The following NCKIPSD variants were observed in gnomAD, a reference collection of about 807,000 sequenced individuals.
NCKIPSD encodes the protein NCK-interacting protein with SH3 domain.
NCKIPSD carries 48 observed loss-of-function variants against 73.4 expected under a neutral mutation model. That is an observed-to-expected ratio of 0.65 (90% confidence interval 0.52 to 0.83). NCKIPSD has a LOEUF of 0.83. Among genes scored for constraint, NCKIPSD ranks in the 40% least tolerant of loss-of-function variants. The pLI is 0.00. For synonymous variants in NCKIPSD, 422 were observed against 403.6 expected, an observed-to-expected ratio of 1.05 and a Z score of -0.54; for missense variants, 884 against 970.2, an observed-to-expected ratio of 0.91 and a Z score of 1.18.
rs2106759654 is a variant in NCKIPSD, at chr3:48,685,852, C to A, written c.-45G>T. The A allele has an allele frequency of 7.4e-7, 1 of 1,358,188 alleles. No individual in the cohort carries two copies. The highest frequency in any genetic ancestry group is 2.5e-4 in the Middle Eastern group (1 of 4,034). The allele number at this position is 1,358,188 out of a possible 1,614,324, so 84.1% of individuals were successfully genotyped here. A position where few individuals can be genotyped will look rare whatever the true frequency, so the allele number is the denominator to read the frequency against. ...GCAGGGAAGGTGGCAAGGGCTGCGG[C>A]GCCACAACGCCAGGCCGGGAGCGCC... On this transcript the variant is annotated 5_prime_UTR_variant, in exon 1 of 13. Transcript: ENST00000294129.
rs573286934 is a variant in NCKIPSD at position 48,680,148 on chromosome 3, G to T, written c.1174C>A (p.Arg392=). The change falls in exon 6 of 13, where the codon CGG becomes AGG. Residue 392 remains arginine (R), a synonymous_variant. Transcript: ENST00000294129. The stretch of plus-strand genomic sequence containing the variant: ...CTGCGCTGCTGGGCGTCGTCCTTCC[G>T]GCGAGCCAGGTCTGCAAAGATCACC... ...LEVIFADLAR[R]KDDAQQRSWA... is the part of the protein sequence containing the mutation. 1.5e-5 allele frequency: 25 copies of T among 1,613,946 alleles called. No homozygotes were observed. The highest frequency in any genetic ancestry group is 2.1e-5 in the Non-Finnish European group (25 of 1,180,004).
chr3:48,680,209 G>T lies in NCKIPSD; in HGVS notation c.1113C>A (p.Pro371=), dbSNP rs768400553. The change falls in exon 6 of 13, where the codon CCC becomes CCA. Residue 371 remains proline, a synonymous_variant. Coordinates refer to ENST00000294129, the MANE Select transcript of NCKIPSD (RefSeq NM_016453.4). ...GCTGGTCGTGGCAGACCTGCCCTGA[G>T]GGCAGGGCCATGCTGAGGTCCTAGA... ...VEGKDLSMAL[P]SGQVCHDQQR... is the part of the protein sequence containing the mutation. 1.9e-6 allele frequency: 3 copies of T among 1,612,630 alleles called. No individual in the cohort carries two copies. Among genetic ancestry groups the T allele is most frequent in the East Asian group, 2.2e-5 (1 of 44,864 alleles).
At chr3:48,683,580 C>T (rs2077388727) in intron 1 of NCKIPSD, among the ~76,000 whole-genome samples, 1 of 152,164 alleles carries the variant, frequency 6.6e-6, no homozygotes, top group South Asian at 2.1e-4. Context: ...GGCCCTCATC[C>T]CCACAAGATG....
Position 48,680,221 on chromosome 3 carries a change from G to A in NCKIPSD, c.1101C>T (p.Ser367=). ...LLSLVEGKDL[S]MALPSGQVCH... is the part of the protein sequence containing the mutation. The stretch of plus-strand genomic sequence containing the variant: ...AGACCTGCCCTGAGGGCAGGGCCAT[G>A]CTGAGGTCCTAGAGGGAGAGGGCAA... The change falls in exon 6 of 13, where the codon AGC becomes AGT. Residue 367 remains serine, a synonymous_variant. Transcript: ENST00000294129. 6.2e-7 allele frequency: 1 copy of A among 1,610,634 alleles called. No homozygotes were observed. The highest frequency in any genetic ancestry group is 1.7e-5 in the Admixed American group (1 of 59,726).
rs990764918 is a variant in NCKIPSD, at chr3:48,684,649, A to C, written c.171+988T>G. On this transcript the variant is annotated intron_variant, in intron 1 of 12. Transcript: ENST00000294129. ...CGGGGGTGTCTGGCACAGGCCCGGC[A>C]GCTCTGGGCCCTTCTTCCCCCTGTG... 4.6e-5 allele frequency among the ~76,000 whole-genome samples: 7 copies of C among 152,194 alleles called. No homozygotes were observed. In the South Asian group the frequency reaches 6.2e-4, roughly 14 times the overall value.
At position 48,678,910 on chromosome 3, in the gene NCKIPSD, A is replaced by G; in HGVS notation, c.1759T>C (p.Ser587Pro). Residue 587 changes from serine to proline, a missense_variant, in exon 11 of 13, where the codon TCC becomes CCC. Ser to Pro is a moderately conservative substitution (Grantham distance 74, BLOSUM62 -1). Coordinates refer to ENST00000294129, the MANE Select transcript of NCKIPSD (RefSeq NM_016453.4). Reference protein sequence around the residue: ...LSKHANVKIFSEKLLLLLNRG... With the variant: ...LSKHANVKIFPEKLLLLLNRG... ...TTCAGGAGCAACAACAGCTTCTCGG[A>G]GAAGATCTTGACATTGGCGTGTTTG... 6.2e-7 allele frequency: 1 copy of G among 1,613,916 alleles called. No homozygotes were observed.
Position 48,681,870 on chromosome 3 carries a change from C to T in NCKIPSD, c.599-90G>A, listed in dbSNP as rs1303016783. On this transcript the variant is annotated intron_variant, in intron 4 of 12. Transcript: ENST00000294129. ...AGATCCCCTGTCCCCTAACACAGGG[C>T]CTAGTTTCTCTGCTAGGCACTGCCT... 6 of 1,455,108 alleles carry T rather than the reference C, an allele frequency of 4.1e-6. No homozygotes were observed. In the African/African-American group the frequency reaches 5.7e-5, roughly 14 times the overall value. The allele number at this position is 1,455,108 out of a possible 1,614,324, so 90.1% of individuals were successfully genotyped here. A position where few individuals can be genotyped will look rare whatever the true frequency, so the allele number is the denominator to read the frequency against.
chr3:48,675,549 T>TCA (rs1559490088), intron 12 of NCKIPSD, among the ~76,000 whole-genome samples: 22 of 115,824 alleles, frequency 1.9e-4, no homozygotes, highest in African/African-American at 5.4e-4. Flanking sequence ...ATATATATCA[T>TCA]TTTTTTTTTT....
intron 1 of NCKIPSD, among the ~76,000 whole-genome samples, chr3:48,685,187 AAGGAAGGGAGGG>A (rs1428438061): frequency 4.5e-5 from 2 of 44,336 alleles, no homozygotes; most frequent in African/African-American, 1.1e-4. Context: ...TTGGGGGAAG[AAGGAAGGGAGGG>A]AGGGAGGGAG....
Position 48,678,674 on chromosome 3 carries a change from G to A in NCKIPSD, c.1855C>T (p.Gln619Ter). 1 of 1,614,230 alleles carries A rather than the reference G, an allele frequency of 6.2e-7. No individual in the cohort carries two copies. The highest frequency in any genetic ancestry group is 1.1e-5 in the South Asian group (1 of 91,086). The change falls in exon 12 of 13, where the codon CAG becomes TAG. Residue 619 changes from glutamine to a stop codon, truncating the protein, a stop_gained. Coordinates refer to ENST00000294129, the MANE Select transcript of NCKIPSD (RefSeq NM_016453.4). LOFTEE classifies it high-confidence loss of function. ...QPPHSVLKFL[Q>*]DVFGSPATAA... ...GTGGCCGGGCTGCCAAACACGTCCT[G>A]CAGGAACTTGAGGACAGAGTGTGGT...
At chr3:48,681,877 T>G in intron 4 of NCKIPSD, 97 bp from the exon 5 acceptor site, 1 of 1,451,608 alleles carries the variant, frequency 6.9e-7, no homozygotes, top group Non-Finnish European at 9.1e-7. Flanking sequence ...GGGCCTAGTT[T>G]CTCTGCTAGG....
At chr3:48,682,616 C>A in intron 2 of NCKIPSD, 64 bp from the exon 3 acceptor site, 1 of 1,563,780 alleles carries the variant, frequency 6.4e-7, no homozygotes, top group Admixed American at 1.7e-5. Flanking sequence ...CTCATATGCC[C>A]CTGTGGGATG....
chr3:48,674,208 T>TGGGGATGG lies in NCKIPSD; in HGVS notation c.*328_*335dup, dbSNP rs2077216940. ...GGCCCAGGATACAGACCAGGAGGGG[T>TGGGGATGG]GGGGATGGGGGTCTGGTCCAGCCTG... On this transcript the variant is annotated 3_prime_UTR_variant, in exon 13 of 13. Coordinates refer to ENST00000294129, the MANE Select transcript of NCKIPSD (RefSeq NM_016453.4). 8.2e-7 allele frequency: 1 copy of TGGGGATGG among 1,215,384 alleles called. No individual in the cohort carries two copies. Among genetic ancestry groups the TGGGGATGG allele is most frequent in the African/African-American group, 1.5e-5 (1 of 65,976 alleles). 75.3% of individuals were successfully genotyped at this position (1,215,384 alleles called of 1,614,324 possible). A position where few individuals can be genotyped will look rare whatever the true frequency, so the allele number is the denominator to read the frequency against.
At position 48,685,881 on chromosome 3, in the gene NCKIPSD, CCG is replaced by C; in HGVS notation, c.-76_-75del. Reference sequence around the variant, plus strand: ...ACAACGCCAGGCCGGGAGCGCCGAGCCGCGCCGCGGTTGTCCCGCCCCGTGAC... The same window carrying C: ...ACAACGCCAGGCCGGGAGCGCCGAGCCGCCGCGGTTGTCCCGCCCCGTGAC... On this transcript the variant is annotated 5_prime_UTR_variant, in exon 1 of 13. Transcript: ENST00000294129. 3.1e-6 allele frequency: 4 copies of C among 1,308,462 alleles called. No homozygotes were observed. The highest frequency in any genetic ancestry group is 3.9e-6 in the Non-Finnish European group (4 of 1,023,548). The allele number at this position is 1,308,462 out of a possible 1,614,324, so 81.1% of individuals were successfully genotyped here.
intron 1 of NCKIPSD, among the ~76,000 whole-genome samples, chr3:48,683,638 GGCAAAGGATAAACATGA>G (rs1478942479): frequency 6.6e-6 from 1 of 152,166 alleles, no homozygotes; most frequent in African/African-American, 2.4e-5. Context: ...CTGTGTTTGT[GGCAAAGGATAAACATGA>G]GAGAGGGGCC....
At chr3:48,685,574 G>C in intron 1 of NCKIPSD, 63 bp downstream of exon 1, 1 of 1,460,110 alleles carries the variant, frequency 6.8e-7, no homozygotes, top group Non-Finnish European at 9.0e-7. Flanking sequence ...GGTCGGTTCC[G>C]CGGGGCTGTG....
intron 12 of NCKIPSD, among the ~76,000 whole-genome samples, chr3:48,675,527 TG>T (rs1257706559): frequency 0.045 from 2,627 of 58,836 alleles, 33 homozygotes; most frequent in Non-Finnish European, 0.059. Context: ...TATATATATA[TG>T]ATATATATAT....
Position 48,681,655 on chromosome 3 carries a change from T to G in NCKIPSD, c.724A>C (p.Thr242Pro). The G allele has an allele frequency of 6.2e-6, 10 of 1,609,656 alleles. No homozygotes were observed. Among genetic ancestry groups the G allele is most frequent in the Non-Finnish European group, 8.5e-6 (10 of 1,177,930 alleles). ...CCTCGGCGGGGCACAGGTGGGGGTG[T>G]GGGTGAGCAGCTGGAGCCTGGTTCA... ...PSEPGSSCSP[T>P]PPPVPRRGTH... The change falls in exon 5 of 13, where the codon ACA becomes CCA. Residue 242 changes from threonine to proline, a missense_variant. Coordinates refer to ENST00000294129, the MANE Select transcript of NCKIPSD (RefSeq NM_016453.4).
In NCKIPSD at chr3:48,679,197, G is replaced by A. The variant is rs765884838; in HGVS notation, c.1571-14C>T. The A allele has an allele frequency of 3.5e-5, 56 of 1,613,220 alleles. 1 individual carries two copies. The Middle Eastern group carries it at 6.7e-4, about 19-fold the overall frequency. On this transcript the variant is annotated splice_polypyrimidine_tract_variant and intron_variant, in intron 9 of 12. Transcript: ENST00000294129. The stretch of plus-strand genomic sequence containing the variant: ...TGCCCAGGTGCTCTGGGAGAGGGGC[G>A]CACAGAAGTCTGCAGCCCCATTCCC...
Sources: allele counts gnomAD v4.1 joint callset (sites outside exome capture counted in the v4.1 genomes callset), GRCh38; gene constraint gnomAD v4.1.1; transcripts MANE v1.5; gene names NCBI Gene and HGNC (gene_info 2026-07-23, HGNC 2026-07-21).